ACBD6: variants seen among roughly 807,000 people sequenced by gnomAD.
The protein encoded by ACBD6 is acyl-CoA-binding domain-containing protein 6.
Under a neutral mutation model 37.2 loss-of-function variants are expected in ACBD6, and 28 were observed. That is an observed-to-expected ratio of 0.75 (90% CI 0.56 to 1.03). The LOEUF (loss-of-function observed/expected upper bound fraction) is 1.03. Ranked by LOEUF, ACBD6 falls within the 50% of genes least tolerant of loss-of-function variation. The probability of loss-of-function intolerance (pLI) is 0.00; values close to 1 mark genes in which losing one functional copy is unlikely to be tolerated. For missense variants in ACBD6, 340 were observed against 337.4 expected (o/e 1.01, Z -0.06); for synonymous variants, 113 against 126.8 (o/e 0.89, Z 0.73).
chr1:180,365,686 C>T lies in ACBD6; in HGVS notation c.663+31830G>A, dbSNP rs867835826. 6.6e-5 allele frequency among the ~76,000 whole-genome samples: 10 copies of T among 152,288 alleles called. No homozygotes were observed. In the Middle Eastern group the frequency reaches 0.01, roughly 155 times the overall value. On this transcript the variant is annotated intron_variant, in intron 6 of 7. Transcript: ENST00000367595. ...TGTAAGAGCAACACTACATTGCCAT[C>T]TCATTGTTTACCTACGGTCCACAAT...
intron 4 of ACBD6, among the ~76,000 whole-genome samples, chr1:180,420,629 T>C (rs908837573): frequency 6.6e-6 from 1 of 152,160 alleles, no homozygotes; most frequent in Non-Finnish European, 1.5e-5. Flanking sequence ...CTGTCCAATA[T>C]TGAAAGAACT....
At chr1:180,448,858 G>A (rs1649583324) in intron 3 of ACBD6, among the ~76,000 whole-genome samples, 1 of 152,094 alleles carries the variant, frequency 6.6e-6, no homozygotes, top group Non-Finnish European at 1.5e-5. Flanking sequence ...TCTGGTAGCT[G>A]TTGGTGGTTT....
intron 6 of ACBD6, among the ~76,000 whole-genome samples, chr1:180,351,742 G>C (rs1158534174): frequency 3.3e-5 from 5 of 152,118 alleles, no homozygotes; most frequent in Non-Finnish European, 5.9e-5. Context: ...TGGTGCACCT[G>C]CTGTGAAAAT....
chr1:180,322,058 A>AT (rs1489386209), intron 6 of ACBD6, among the ~76,000 whole-genome samples: 3 of 151,896 alleles, frequency 2.0e-5, no homozygotes, highest in Admixed American at 6.6e-5. Flanking sequence ...CTTGTTAAGG[A>AT]TTTTTTCATG....
intron 6 of ACBD6, among the ~76,000 whole-genome samples, chr1:180,390,416 T>C (rs9662762): frequency 0.15 from 23,254 of 151,242 alleles, 3,188 homozygotes; most frequent in African/African-American, 0.37. Context: ...CCTTGTAGTA[T>C]AGTTTGAAGT....
chr1:180,484,866 C>T (rs1470216622), intron 3 of ACBD6, among the ~76,000 whole-genome samples: 6 of 151,910 alleles, frequency 3.9e-5, no homozygotes, highest in Admixed American at 3.9e-4. Context: ...GAGTTCAAGA[C>T]CAGCCTGGCC....
intron 6 of ACBD6, among the ~76,000 whole-genome samples, chr1:180,395,614 G>A (rs75020429): frequency 3.9e-4 from 59 of 152,276 alleles, no homozygotes; most frequent in African/African-American, 1.4e-3. Context: ...ACCCAAATCA[G>A]TCATTAGGAT....
At position 180,457,816 on chromosome 1, in the gene ACBD6, G is replaced by T. The variant is rs191499955; in HGVS notation, c.385-27554C>A. Among the ~76,000 whole-genome samples the T allele has an allele frequency of 8.2e-3, 1,222 of 149,334 alleles. 3 individuals are homozygous for T. The highest frequency in any genetic ancestry group is 0.034 in the Middle Eastern group (10 of 290). On this transcript the variant is annotated intron_variant, in intron 3 of 7. Coordinates refer to ENST00000367595, the MANE Select transcript of ACBD6 (RefSeq NM_032360.4). Reference sequence around the variant, plus strand: ...CTGTTTTTTTTTTTTTTTTGAGACGGAGTTTCGCTCTTGTCGCCCAGCCTG... The same window carrying T: ...CTGTTTTTTTTTTTTTTTTGAGACGTAGTTTCGCTCTTGTCGCCCAGCCTG...
chr1:180,309,775 C>CT (rs927216735), intron 7 of ACBD6, among the ~76,000 whole-genome samples: 7 of 152,148 alleles, frequency 4.6e-5, no homozygotes, highest in African/African-American at 1.7e-4. Flanking sequence ...TATTTTTCCT[C>CT]TTTTTTGACT....
intron 7 of ACBD6, among the ~76,000 whole-genome samples, chr1:180,303,854 T>A (rs1216235676): frequency 6.6e-6 from 1 of 150,908 alleles, no homozygotes; most frequent in African/African-American, 2.4e-5. Flanking sequence ...GCAAAAATCA[T>A]CAATAAAATA....
rs780869144 is a variant in ACBD6, at chr1:180,274,404, C to T, written c.*936+247G>A. The T allele has an allele frequency of 2.7e-5, 44 of 1,614,080 alleles. No homozygotes were observed. The highest frequency in any genetic ancestry group is 1.6e-4 in the Middle Eastern group (1 of 6,084). On this transcript the variant is annotated intron_variant, in intron 10 of 13. Coordinates refer to the ACBD6 transcript ENST00000642319. ...CCTTTGCTCAATGGGCTGGATTACA[C>T]GGTGGACAGTAATTTGGGCATCATT...
chr1:180,491,901 C>G lies in ACBD6; in HGVS notation c.384+368G>C, dbSNP rs550930929. ...TTTGGCTCACTGCAGCCTCAGCCTC[C>G]CAGGTTCAATTGATTCCCCTGCCTC... On this transcript the variant is annotated intron_variant, in intron 3 of 7. Transcript: ENST00000367595. Among the ~76,000 whole-genome samples, 4 of 152,246 alleles carry G rather than the reference C, an allele frequency of 2.6e-5. No homozygotes were observed. The East Asian group carries it at 7.7e-4, about 29-fold the overall frequency.
chr1:180,349,171 G>A (rs1026063410), intron 6 of ACBD6, among the ~76,000 whole-genome samples: 1 of 151,544 alleles, frequency 6.6e-6, no homozygotes, highest in Non-Finnish European at 1.5e-5. Flanking sequence ...AAAATAGAAC[G>A]CTTCACGAAC....
At chr1:180,271,762 G>A (rs910467818) in exon 14 of ACBD6, 27 of 1,559,850 alleles carry the variant, frequency 1.7e-5, no homozygotes, top group South Asian at 8.9e-5. Flanking sequence ...CCAGCCGCCC[G>A]CCTAGGGGGT....
At chr1:180,381,440 TTCTCC>T in intron 6 of ACBD6, among the ~76,000 whole-genome samples, 1 of 152,094 alleles carries the variant, frequency 6.6e-6, no homozygotes, top group East Asian at 1.9e-4. Context: ...ATGCAGAAAA[TTCTCC>T]AGGACAGACC....
chr1:180,469,170 CT>C (rs1282608513), intron 3 of ACBD6, among the ~76,000 whole-genome samples: 1 of 152,144 alleles, frequency 6.6e-6, no homozygotes, highest in Non-Finnish European at 1.5e-5. Context: ...CTCTTTTTAC[CT>C]GTCAAGAATT....
chr1:180,360,600 G>C (rs948183467), intron 6 of ACBD6, among the ~76,000 whole-genome samples: 1 of 152,040 alleles, frequency 6.6e-6, no homozygotes. Flanking sequence ...TCTAACATTC[G>C]AGAACCACTG....
intron 6 of ACBD6, among the ~76,000 whole-genome samples, chr1:180,388,131 G>A (rs926493562): frequency 6.0e-5 from 9 of 149,156 alleles, no homozygotes; most frequent in Non-Finnish European, 3.0e-5. Context: ...AGCCAAGATC[G>A]CGCCACGGCA....
At chr1:180,462,704 C>T (rs1197422147) in intron 3 of ACBD6, among the ~76,000 whole-genome samples, 1 of 152,114 alleles carries the variant, frequency 6.6e-6, no homozygotes, top group African/African-American at 2.4e-5. Context: ...AATTCAGGAC[C>T]TGAACTCAGC....
Sources: gnomAD v4.1 joint callset for allele counts (sites outside exome capture counted in the v4.1 genomes callset) on GRCh38, gnomAD v4.1.1 for gene constraint, MANE v1.5 for transcripts, NCBI Gene and HGNC (gene_info 2026-07-23, HGNC 2026-07-21) for gene names.